The following ICA1L variants were observed in gnomAD, a reference collection of about 807,000 sequenced individuals.
ICA1L encodes islet cell autoantigen 1 like.
A neutral mutation model predicts 61.3 loss-of-function variants in ICA1L; 50 were observed. That is an observed-to-expected ratio of 0.82 (90% confidence interval 0.65 to 1.03). The LOEUF is 1.03. ICA1L is among the 50% of genes least tolerant of loss of function. ICA1L has a pLI of 0.00. For synonymous variants in ICA1L, 161 were observed against 191.3 expected, an observed-to-expected ratio of 0.84 and a Z score of 1.31; for missense variants, 508 against 556.7, an observed-to-expected ratio of 0.91 and a Z score of 0.88.
chr2:202,845,168 T>C (rs1435921760), intron 1 of ICA1L, among the ~76,000 whole-genome samples: 1 of 152,214 alleles, frequency 6.6e-6, no homozygotes, highest in Non-Finnish European at 1.5e-5. Context: ...CTTAATTACA[T>C]CTTCAAAGTC....
chr2:202,808,632 A>C (rs1271300581), intron 9 of ICA1L, among the ~76,000 whole-genome samples: 1 of 152,200 alleles, frequency 6.6e-6, no homozygotes, highest in Non-Finnish European at 1.5e-5. Context: ...AGGCAGTGGT[A>C]ACAGGAGGCC....
chr2:202,863,640 T>G (rs1055232820), intron 1 of ICA1L, among the ~76,000 whole-genome samples: 2 of 151,750 alleles, frequency 1.3e-5, no homozygotes, highest in African/African-American at 4.8e-5. Context: ...CTGGCTAACA[T>G]GGTGAAACCC....
At chr2:202,852,671 C>CAAA (rs574400027) in intron 1 of ICA1L, among the ~76,000 whole-genome samples, 8 of 42,192 alleles carry the variant, frequency 1.9e-4, no homozygotes, top group African/African-American at 6.6e-4. Flanking sequence ...GACTCTGTCT[C>CAAA]AAAAAAAAAA....
intron 9 of ICA1L, among the ~76,000 whole-genome samples, chr2:202,807,522 C>G (rs1349558677): frequency 6.6e-6 from 1 of 152,178 alleles, no homozygotes; most frequent in African/African-American, 2.4e-5. Context: ...TCCAAATAAA[C>G]TTGAAAGGCA....
At chr2:202,859,864 T>A (rs749106959) in intron 1 of ICA1L, among the ~76,000 whole-genome samples, 1 of 152,224 alleles carries the variant, frequency 6.6e-6, no homozygotes, top group Non-Finnish European at 1.5e-5. Flanking sequence ...TTATCTCCTT[T>A]GGTCTTCATA....
At chr2:202,787,258 G>A (rs1433449494) in intron 11 of ICA1L, among the ~76,000 whole-genome samples, 4 of 152,218 alleles carry the variant, frequency 2.6e-5, no homozygotes, top group Non-Finnish European at 4.4e-5. Flanking sequence ...CTGCCTACAG[G>A]TAGGGATCAG....
At position 202,852,024 on chromosome 2, in the gene ICA1L, G is replaced by C. The variant is rs531394674; in HGVS notation, c.-8+19595C>G. ...TCTTTAGTTTAATTAGATCCCATTT[G>C]TCAATTTTGGCTTTTGTTGCCATTG... On this transcript the variant is annotated intron_variant, in intron 1 of 12. Coordinates refer to ENST00000358299, the MANE Select transcript of ICA1L (RefSeq NM_001288622.3). Among the ~76,000 whole-genome samples the C allele has an allele frequency of 1.8e-3, 281 of 152,238 alleles. 3 individuals are homozygous for C. Among genetic ancestry groups the C allele is most frequent in the African/African-American group, 6.5e-3 (271 of 41,536 alleles).
At chr2:202,789,505 A>T (rs979885959) in intron 10 of ICA1L, among the ~76,000 whole-genome samples, 2 of 152,226 alleles carry the variant, frequency 1.3e-5, no homozygotes, top group South Asian at 4.1e-4. Flanking sequence ...CCCTGGTAAT[A>T]GAAACATTCT....
chr2:202,866,075 G>A (rs1198395950), intron 1 of ICA1L, among the ~76,000 whole-genome samples: 1 of 152,146 alleles, frequency 6.6e-6, no homozygotes, highest in East Asian at 1.9e-4. Flanking sequence ...CACAGAAATA[G>A]ATCCATAAAT....
At chr2:202,808,237 A>G (rs1040922814) in intron 9 of ICA1L, among the ~76,000 whole-genome samples, 3 of 151,976 alleles carry the variant, frequency 2.0e-5, no homozygotes, top group African/African-American at 4.8e-5. Flanking sequence ...GCTAAAGGGG[A>G]GCCCACTACC....
intron 9 of ICA1L, among the ~76,000 whole-genome samples, chr2:202,809,919 G>A (rs1693326399): frequency 6.6e-6 from 1 of 152,186 alleles, no homozygotes; most frequent in Non-Finnish European, 1.5e-5. Context: ...GGGGTAGAAA[G>A]TTTATTCAAA....
intron 9 of ICA1L, among the ~76,000 whole-genome samples, chr2:202,805,056 C>CCCCAT (rs1330225520): frequency 1.3e-5 from 2 of 152,114 alleles, no homozygotes; most frequent in East Asian, 3.8e-4. Context: ...CTGATACAAG[C>CCCCAT]CCCATCATGG....
rs1381740194 is a variant in ICA1L, at chr2:202,778,915, G to GA, written c.*617dup. On this transcript the variant is annotated 3_prime_UTR_variant, in exon 13 of 13. Transcript: ENST00000358299. ...GGAGTGTCCATTATTTTGTATGAATGAAAAAACATTACATTTTAGCCTCCA... is the reference window on the plus strand; with the variant it reads ...GGAGTGTCCATTATTTTGTATGAATGAAAAAAACATTACATTTTAGCCTCCA... 1 of 152,502 alleles carries GA rather than the reference G, an allele frequency of 6.6e-6. No homozygotes were observed. The highest frequency in any genetic ancestry group is 2.4e-5 in the African/African-American group (1 of 41,424). 9.4% of individuals were successfully genotyped at this position (152,502 alleles called of 1,614,324 possible). A position where few individuals can be genotyped will look rare whatever the true frequency, so the allele number is the denominator to read the frequency against.
chr2:202,832,392 A>G (rs1361463336), intron 1 of ICA1L, among the ~76,000 whole-genome samples: 2 of 145,846 alleles, frequency 1.4e-5, no homozygotes, highest in Admixed American at 7.2e-5. Flanking sequence ...GGTTGCAGTG[A>G]GCCACTGCAC....
At chr2:202,817,341 C>A (rs1326322443) in intron 6 of ICA1L, 77 bp downstream of exon 6, 6 of 1,327,884 alleles carry the variant, frequency 4.5e-6, no homozygotes, top group Admixed American at 5.0e-5. Flanking sequence ...AATTTTTACA[C>A]CCTTTAGACA....
At chr2:202,792,992 G>C (rs1257959033) in intron 10 of ICA1L, among the ~76,000 whole-genome samples, 1 of 152,112 alleles carries the variant, frequency 6.6e-6, no homozygotes, top group Non-Finnish European at 1.5e-5. Flanking sequence ...GGCTTGGAGT[G>C]AATCAGAGAT....
intron 1 of ICA1L, among the ~76,000 whole-genome samples, chr2:202,836,993 C>A (rs889845473): frequency 6.6e-6 from 1 of 151,836 alleles, no homozygotes; most frequent in Non-Finnish European, 1.5e-5. Flanking sequence ...AGGTGTGTGC[C>A]ACCAAGCCCA....
intron 5 of ICA1L, among the ~76,000 whole-genome samples, chr2:202,817,950 A>C (rs1158886459): frequency 6.6e-6 from 1 of 152,248 alleles, no homozygotes; most frequent in Non-Finnish European, 1.5e-5. Context: ...AGATATTTAT[A>C]AATTCCAGTA....
In ICA1L at chr2:202,849,259, T is replaced by G. The variant is rs977169398; in HGVS notation, c.-7-20243A>C. Among the ~76,000 whole-genome samples, 2 of 152,016 alleles carry G rather than the reference T, an allele frequency of 1.3e-5. No individual in the cohort carries two copies. ...TGTTTTTGTTTTTGTACCCCAGTGG[T>G]GCCTGGAACCCCAGCGAGACAAAAC... On this transcript the variant is annotated intron_variant, in intron 1 of 12. Coordinates refer to ENST00000358299, the MANE Select transcript of ICA1L (RefSeq NM_001288622.3). This position sits in a 1 kb window ranked among gnomAD's most constrained non-coding sequence, Gnocchi z 4.5.
Sources: allele counts gnomAD v4.1 joint callset (sites outside exome capture counted in the v4.1 genomes callset), GRCh38; gene constraint gnomAD v4.1.1; non-coding constraint Gnocchi (gnomAD v3.1); transcripts MANE v1.5; gene names NCBI Gene and HGNC (gene_info 2026-07-23, HGNC 2026-07-21).